Variants in PTPRD observed in about 807,000 individuals in gnomAD.
PTPRD encodes the protein receptor-type tyrosine-protein phosphatase delta.
In PTPRD, 34 loss-of-function variants were observed where a neutral mutation model predicts 214.5. The ratio of observed to expected loss-of-function variants is 0.16; its 90% confidence interval spans 0.12 to 0.21. The LOEUF is 0.21. PTPRD is among the 10% of genes least tolerant of loss of function. The pLI is 1.00. For synonymous variants in PTPRD, 1,128 were observed against 845.7 expected (o/e 1.33, Z -5.79); for missense variants, 2,545 against 2,398.7 (o/e 1.06, Z -1.27).
chr9:9,793,341 T>G (rs2098980270), intron 5 of PTPRD, among the ~76,000 whole-genome samples: 1 of 152,118 alleles, frequency 6.6e-6, no homozygotes, highest in Non-Finnish European at 1.5e-5. Context: ...TACGAAGACA[T>G]AATCTTTTTT....
intron 3 of PTPRD, among the ~76,000 whole-genome samples, chr9:10,141,278 G>A (rs2098982990): frequency 6.6e-6 from 1 of 152,052 alleles, no homozygotes; most frequent in African/African-American, 2.4e-5. Context: ...AGGAAATAAA[G>A]GGCATTCAAT....
intron 8 of PTPRD, among the ~76,000 whole-genome samples, chr9:9,555,350 T>C (rs2081268363): frequency 6.6e-6 from 1 of 152,072 alleles, no homozygotes; most frequent in East Asian, 1.9e-4. Context: ...TTGAGCAACA[T>C]CACACATTAT....
intron 39 of PTPRD, among the ~76,000 whole-genome samples, chr9:8,348,842 T>TTA (rs1368336543): frequency 6.6e-6 from 1 of 152,196 alleles, no homozygotes; most frequent in Non-Finnish European, 1.5e-5. Flanking sequence ...AACATTTCCT[T>TTA]TTGATTTATT....
chr9:9,534,195 C>G (rs1189331079), intron 8 of PTPRD, among the ~76,000 whole-genome samples: 1 of 152,048 alleles, frequency 6.6e-6, no homozygotes, highest in Non-Finnish European at 1.5e-5. Flanking sequence ...ACAGCTATAA[C>G]TTGTTAATGT....
intron 14 of PTPRD, among the ~76,000 whole-genome samples, chr9:8,585,044 G>A (rs994644432): frequency 1.3e-5 from 2 of 152,216 alleles, no homozygotes; most frequent in South Asian, 2.1e-4. Context: ...TGGGGATTAG[G>A]GGAACTACAA....
chr9:8,640,026 G>A (rs2096538491), intron 12 of PTPRD, among the ~76,000 whole-genome samples: 1 of 152,076 alleles, frequency 6.6e-6, no homozygotes, highest in Admixed American at 6.6e-5. Context: ...AACCTCCCAG[G>A]CTCAGTCAGT....
chr9:8,828,965 C>T (rs2097228680), intron 11 of PTPRD, among the ~76,000 whole-genome samples: 1 of 152,160 alleles, frequency 6.6e-6, no homozygotes, highest in Admixed American at 6.6e-5. Context: ...AAAAGAAACA[C>T]ATATTCTTGG....
chr9:10,074,334 G>A lies in PTPRD; in HGVS notation c.-544-40544C>T, dbSNP rs973560648. Among the ~76,000 whole-genome samples the A allele has an allele frequency of 3.9e-5, 6 of 152,154 alleles. No individual in the cohort carries two copies. The South Asian group carries it at 1.2e-3, about 32-fold the overall frequency. On this transcript the variant is annotated intron_variant, in intron 3 of 45. Coordinates refer to ENST00000381196, the MANE Select transcript of PTPRD (RefSeq NM_002839.4). Reference sequence around the variant, plus strand: ...CAATGCAAAATAGCTTGCAGTTTGTGAGACCAAATCCAAAGCCACTGCCAT... The same window carrying A: ...CAATGCAAAATAGCTTGCAGTTTGTAAGACCAAATCCAAAGCCACTGCCAT...
intron 8 of PTPRD, among the ~76,000 whole-genome samples, chr9:9,561,200 C>T (rs2082864509): frequency 6.6e-6 from 1 of 152,164 alleles, no homozygotes; most frequent in Admixed American, 6.5e-5. Flanking sequence ...CACTGAGTCA[C>T]TCAGGATGTA....
intron 10 of PTPRD, among the ~76,000 whole-genome samples, chr9:9,167,621 G>A (rs1027063101): frequency 1.3e-5 from 2 of 151,806 alleles, no homozygotes; most frequent in Non-Finnish European, 2.9e-5. Context: ...CGGGTATGGT[G>A]GTGCGTGCCT....
At chr9:10,405,390 A>G (rs1250752755) in intron 2 of PTPRD, among the ~76,000 whole-genome samples, 1 of 151,712 alleles carries the variant, frequency 6.6e-6, no homozygotes, top group Non-Finnish European at 1.5e-5. Context: ...TAACAAGAAA[A>G]GTAAACTTTC....
intron 5 of PTPRD, among the ~76,000 whole-genome samples, chr9:9,845,464 G>C (rs932428755): frequency 6.6e-6 from 1 of 151,602 alleles, no homozygotes; most frequent in Admixed American, 6.6e-5. Flanking sequence ...AATTATAGAA[G>C]CTCATGAGCA....
At chr9:9,045,859 G>C (rs140633852) in intron 10 of PTPRD, among the ~76,000 whole-genome samples, 290 of 152,220 alleles carry the variant, frequency 1.9e-3, no homozygotes, top group Admixed American at 3.4e-3. Flanking sequence ...TTTTAGGGTT[G>C]TGAATATTTG....
chr9:8,481,535 G>C (rs894668239), intron 30 of PTPRD, among the ~76,000 whole-genome samples: 1 of 151,980 alleles, frequency 6.6e-6, no homozygotes, highest in Non-Finnish European at 1.5e-5. Flanking sequence ...GGGAGTTTTT[G>C]ACCACTTTTT....
intron 5 of PTPRD, among the ~76,000 whole-genome samples, chr9:9,873,306 T>C (rs1363279185): frequency 6.6e-6 from 1 of 152,150 alleles, no homozygotes; most frequent in African/African-American, 2.4e-5. Context: ...TAGCCTTGGG[T>C]GGCTAACCTG....
chr9:8,755,544 AAC>A (rs2093929169), intron 11 of PTPRD, among the ~76,000 whole-genome samples: 1 of 152,050 alleles, frequency 6.6e-6, no homozygotes, highest in Non-Finnish European at 1.5e-5. Context: ...AAAAAAAAAA[AAC>A]AGCAGCACAA....
At chr9:10,467,176 T>A (rs1431942853) in intron 2 of PTPRD, among the ~76,000 whole-genome samples, 1 of 152,194 alleles carries the variant, frequency 6.6e-6, no homozygotes, top group African/African-American at 2.4e-5. Context: ...GAGAAGAGTA[T>A]ACAATTTCAC....
intron 5 of PTPRD, among the ~76,000 whole-genome samples, chr9:9,913,608 C>T (rs1020739408): frequency 6.6e-6 from 1 of 152,114 alleles, no homozygotes; most frequent in Non-Finnish European, 1.5e-5. Context: ...AGACCCATCT[C>T]CCCAACCCTG....
chr9:9,782,059 G>A (rs1015958178), intron 5 of PTPRD, among the ~76,000 whole-genome samples: 1 of 152,054 alleles, frequency 6.6e-6, no homozygotes, highest in African/African-American at 2.4e-5. Flanking sequence ...CCAAAGTGCT[G>A]GGATTACAGG....
Sources: gnomAD v4.1 joint callset for allele counts (sites outside exome capture counted in the v4.1 genomes callset) on GRCh38, gnomAD v4.1.1 for gene constraint, MANE v1.5 for transcripts, NCBI Gene and HGNC (gene_info 2026-07-23, HGNC 2026-07-21) for gene names.